DHRSX: variants seen among roughly 807,000 people sequenced by gnomAD.
The protein encoded by DHRSX is dehydrogenase/reductase X-linked, also known as polyprenol dehydrogenase.
A neutral mutation model predicts 34.0 loss-of-function variants in DHRSX; 31 were observed. The observed-to-expected ratio is 0.91, with a 90% CI of 0.69 to 1.23. DHRSX has a LOEUF of 1.23. Among genes scored for constraint, DHRSX ranks in the 50% most tolerant of loss-of-function variants. DHRSX has a pLI of 0.00. For missense variants in DHRSX, 414 were observed against 428.1 expected, an observed-to-expected ratio of 0.97 and a Z score of 0.29; for synonymous variants, 201 against 183.8, an observed-to-expected ratio of 1.09 and a Z score of -0.76.
rs1556432544 is a variant in DHRSX, at chrX:2,246,748, G to GAGAA, written c.597-3519_597-3518insTTCT. ...AGAAAGAAAGAAAGAAAGAAAGAAA[G>GAGAA]AAAAAGAAAGAAAATAAAAGAATAG... On this transcript the variant is annotated intron_variant, in intron 5 of 6. Transcript: ENST00000334651. Among the ~76,000 whole-genome samples the GAGAA allele has an allele frequency of 6.7e-5, 7 of 103,778 alleles. 1 individual carries two copies. Among genetic ancestry groups the GAGAA allele is most frequent in the Non-Finnish European group, 1.6e-4 (7 of 43,604 alleles). 68.1% of individuals were successfully genotyped at this position (103,778 alleles called of 152,430 possible).
chrX:2,367,697 G>GTCTTATT (rs1340491339), intron 3 of DHRSX, among the ~76,000 whole-genome samples: 3 of 152,056 alleles, frequency 2.0e-5, no homozygotes, highest in Non-Finnish European at 1.5e-5. Context: ...TCTCTGAAAT[G>GTCTTATT]TCTTATTTCA....
intron 1 of DHRSX, among the ~76,000 whole-genome samples, chrX:2,446,336 G>C (rs1375321412): frequency 4.0e-5 from 6 of 151,092 alleles, no homozygotes; most frequent in African/African-American, 1.5e-4. Flanking sequence ...CCCTAAGCAT[G>C]TGGCCAAGGG....
chrX:2,367,050 A>G (rs1188493317), intron 3 of DHRSX, among the ~76,000 whole-genome samples: 1 of 152,178 alleles, frequency 6.6e-6, no homozygotes, highest in East Asian at 1.9e-4. Context: ...GCTTCAGTTA[A>G]GCCATTCCCC....
At chrX:2,267,339 T>C (rs1490741384) in intron 4 of DHRSX, among the ~76,000 whole-genome samples, 1 of 152,130 alleles carries the variant, frequency 6.6e-6, no homozygotes, top group African/African-American at 2.4e-5. Context: ...AGGTCAGGAC[T>C]TCAAGACCAG....
chrX:2,437,063 T>C (rs2044000745), intron 1 of DHRSX, among the ~76,000 whole-genome samples: 1 of 152,022 alleles, frequency 6.6e-6, no homozygotes, highest in South Asian at 2.1e-4. Flanking sequence ...AGTGGTGCAA[T>C]CTCGGCTCAC....
At chrX:2,433,363 G>A (rs2141811) in intron 1 of DHRSX, among the ~76,000 whole-genome samples, 5,123 of 151,972 alleles carry the variant, frequency 0.034, 256 homozygotes, top group African/African-American at 0.12. Flanking sequence ...TCTAATAACA[G>A]ACATCCTAAT....
chrX:2,311,218 CAGAG>C (rs998430495), intron 3 of DHRSX, among the ~76,000 whole-genome samples: 55 of 151,378 alleles, frequency 3.6e-4, no homozygotes, highest in African/African-American at 1.3e-3. Context: ...GGTTGTGACA[CAGAG>C]AGGGAGAGAA....
intron 3 of DHRSX, among the ~76,000 whole-genome samples, chrX:2,318,060 G>A (rs2042261417): frequency 6.6e-6 from 1 of 151,970 alleles, no homozygotes; most frequent in Non-Finnish European, 1.5e-5. Flanking sequence ...AGATAGTCCT[G>A]AAGGCCAGGT....
intron 1 of DHRSX, among the ~76,000 whole-genome samples, chrX:2,428,750 C>A (rs776182050): frequency 3.0e-4 from 46 of 152,208 alleles, no homozygotes; most frequent in African/African-American, 1.1e-3. Context: ...GCACATGTAC[C>A]CCAGAACTTA....
intron 1 of DHRSX, among the ~76,000 whole-genome samples, chrX:2,463,579 G>A (rs2044433298): frequency 6.6e-6 from 1 of 152,184 alleles, no homozygotes; most frequent in Non-Finnish European, 1.5e-5. Context: ...GAAAGCAAAG[G>A]AAGCCTTGGC....
intron 3 of DHRSX, among the ~76,000 whole-genome samples, chrX:2,329,258 C>A (rs1351292718): frequency 3.3e-5 from 5 of 152,168 alleles, no homozygotes; most frequent in South Asian, 4.2e-4. Context: ...TGACATCGGT[C>A]TACTCAAGGG....
intron 1 of DHRSX, among the ~76,000 whole-genome samples, chrX:2,485,888 G>A (rs1484935005): frequency 6.8e-6 from 1 of 148,122 alleles, no homozygotes; most frequent in African/African-American, 2.5e-5. Flanking sequence ...AGGGAGAGAA[G>A]AAGAGACAAG....
At chrX:2,406,579 T>C (rs1447172317) in intron 3 of DHRSX, among the ~76,000 whole-genome samples, 1 of 151,976 alleles carries the variant, frequency 6.6e-6, no homozygotes, top group Admixed American at 6.6e-5. Flanking sequence ...TAGCTGGGGT[T>C]ACAGGCCCCT....
At chrX:2,423,854 C>T (rs1157863013) in intron 2 of DHRSX, among the ~76,000 whole-genome samples, 1 of 151,928 alleles carries the variant, frequency 6.6e-6, no homozygotes, top group East Asian at 1.9e-4. Context: ...TCAGAGATCA[C>T]GATAAGCTTT....
In DHRSX at chrX:2,416,135, C is replaced by T. The variant is rs747602666; in HGVS notation, c.218-7322G>A. ...ATCACAACCTGACCCAACTAGATCT[C>T]GTCATGACCTAATACAACTTGATCT... On this transcript the variant is annotated intron_variant, in intron 2 of 6. Coordinates refer to ENST00000334651, the MANE Select transcript of DHRSX (RefSeq NM_145177.3). 3.9e-5 allele frequency among the ~76,000 whole-genome samples: 6 copies of T among 152,090 alleles called. No individual in the cohort carries two copies. The South Asian group carries it at 8.3e-4, about 21-fold the overall frequency.
chrX:2,325,191 G>A (rs1420026996), intron 3 of DHRSX, among the ~76,000 whole-genome samples: 4 of 152,106 alleles, frequency 2.6e-5, no homozygotes, highest in Admixed American at 6.6e-5. Context: ...ATGTCGGGAG[G>A]ACCTAGGGAC....
chrX:2,231,595 TTC>T (rs1186275555), intron 6 of DHRSX, among the ~76,000 whole-genome samples: 18 of 60,192 alleles, frequency 3.0e-4, no homozygotes, highest in South Asian at 2.9e-3. Context: ...ATCCTCCTTT[TTC>T]TTTTTTCCCT....
At chrX:2,267,710 G>A (rs2041493937) in intron 4 of DHRSX, among the ~76,000 whole-genome samples, 1 of 152,112 alleles carries the variant, frequency 6.6e-6, no homozygotes, top group South Asian at 2.1e-4. Flanking sequence ...CTTTGGGTAG[G>A]TGAGTAGGGC....
At chrX:2,344,357 G>A (rs923649457) in intron 3 of DHRSX, among the ~76,000 whole-genome samples, 1 of 152,162 alleles carries the variant, frequency 6.6e-6, no homozygotes, top group Non-Finnish European at 1.5e-5. Context: ...AGAGATGCTG[G>A]AGAGGATGTG....
Sources: allele counts gnomAD v4.1 joint callset (sites outside exome capture counted in the v4.1 genomes callset), GRCh38; gene constraint gnomAD v4.1.1; transcripts MANE v1.5; gene names NCBI Gene and HGNC (gene_info 2026-07-23, HGNC 2026-07-21).